BMPR2: variants seen among roughly 807,000 people sequenced by gnomAD.
BMPR2 encodes bone morphogenetic protein receptor type 2.
In BMPR2, 29 loss-of-function variants were observed where a neutral mutation model predicts 100.8. The observed-to-expected ratio is 0.29, with a 90% CI of 0.21 to 0.39. The LOEUF (loss-of-function observed/expected upper bound fraction) is 0.39, where lower values mean the gene tolerates loss of function less well. BMPR2 is among the 10% of genes least tolerant of loss of function. The pLI is 1.00. For missense variants in BMPR2, 1,011 were observed against 1,274.5 expected (o/e 0.79, Z 3.15); for synonymous variants, 382 against 442.3 (o/e 0.86, Z 1.71).
At position 202,559,948 on chromosome 2, in the gene BMPR2, A is replaced by G. The variant is rs1688651675; in HGVS notation, c.*2A>G. 11 of 1,614,046 alleles carry G rather than the reference A, an allele frequency of 6.8e-6. No individual in the cohort carries two copies. The East Asian group carries it at 2.5e-4, about 36-fold the overall frequency. On this transcript the variant is annotated 3_prime_UTR_variant, in exon 13 of 13. Coordinates refer to ENST00000374580, the MANE Select transcript of BMPR2 (RefSeq NM_001204.7). ...GATATAGGAATGAACTGTCTGTGAA[A>G]TGTTTTCAAGCCTATGGAGTGAAAT... is the stretch of plus-strand genomic sequence containing the variant.
chr2:202,499,067 C>A (rs1574479230), intron 3 of BMPR2, among the ~76,000 whole-genome samples: 1 of 152,160 alleles, frequency 6.6e-6, no homozygotes, highest in East Asian at 1.9e-4. Context: ...ACCACAAAAA[C>A]CCCCGGGCTA....
At chr2:202,488,417 T>C (rs1396657212) in intron 3 of BMPR2, among the ~76,000 whole-genome samples, 1 of 152,172 alleles carries the variant, frequency 6.6e-6, no homozygotes, top group Non-Finnish European at 1.5e-5. Context: ...ACCCTTAGAC[T>C]GTTTTTTAAA....
intron 3 of BMPR2, among the ~76,000 whole-genome samples, chr2:202,472,002 A>G (rs1050850450): frequency 1.3e-5 from 2 of 152,054 alleles, no homozygotes; most frequent in African/African-American, 4.8e-5. Context: ...AAATCTGGGT[A>G]AAAGTATATG....
At chr2:202,468,921 A>G (rs1210735460) in intron 3 of BMPR2, among the ~76,000 whole-genome samples, 1 of 152,166 alleles carries the variant, frequency 6.6e-6, no homozygotes, top group East Asian at 1.9e-4. Flanking sequence ...AAAATAATGA[A>G]CTTGGTTATT....
chr2:202,382,212 A>G (rs186218288), intron 1 of BMPR2, among the ~76,000 whole-genome samples: 1 of 152,090 alleles, frequency 6.6e-6, no homozygotes, highest in Admixed American at 6.5e-5. Flanking sequence ...GGTGTGCACC[A>G]TCATGCCTGG....
intron 1 of BMPR2, among the ~76,000 whole-genome samples, chr2:202,403,693 T>C (rs1370186636): frequency 6.6e-6 from 1 of 152,218 alleles, no homozygotes; most frequent in Non-Finnish European, 1.5e-5. Flanking sequence ...TTTTACTTTA[T>C]GTGGATGTAC....
At chr2:202,441,183 G>A (rs1691732122) in intron 1 of BMPR2, among the ~76,000 whole-genome samples, 1 of 149,786 alleles carries the variant, frequency 6.7e-6, no homozygotes, top group South Asian at 2.1e-4. Context: ...GTTTCACTGT[G>A]TTGCCCAGGG....
At chr2:202,453,283 T>A (rs1692025908) in intron 1 of BMPR2, among the ~76,000 whole-genome samples, 1 of 152,048 alleles carries the variant, frequency 6.6e-6, no homozygotes, top group Non-Finnish European at 1.5e-5. Flanking sequence ...TCTATTACTT[T>A]TAATAATAAT....
chr2:202,430,348 A>G (rs1691479316), intron 1 of BMPR2, among the ~76,000 whole-genome samples: 3 of 152,132 alleles, frequency 2.0e-5, no homozygotes, highest in Admixed American at 2.0e-4. Context: ...TTTATGATTC[A>G]CTGTTTACAT....
chr2:202,534,269 TTTA>T (rs1312013495), intron 9 of BMPR2, among the ~76,000 whole-genome samples: 1 of 150,280 alleles, frequency 6.7e-6, no homozygotes, highest in African/African-American at 2.4e-5. Context: ...TATTTATTTA[TTTA>T]TTTTTTATTG....
At chr2:202,447,782 A>G (rs1691882054) in intron 1 of BMPR2, among the ~76,000 whole-genome samples, 1 of 150,772 alleles carries the variant, frequency 6.6e-6, no homozygotes, top group African/African-American at 2.5e-5. Flanking sequence ...TAATATAAAA[A>G]TTTGAAAGGG....
intron 3 of BMPR2, among the ~76,000 whole-genome samples, chr2:202,497,450 G>A (rs1693063043): frequency 6.6e-6 from 1 of 152,206 alleles, no homozygotes; most frequent in East Asian, 1.9e-4. Context: ...AAAGACACGG[G>A]TGTCAGGCTT....
chr2:202,461,208 C>A (rs1692218035), intron 1 of BMPR2, among the ~76,000 whole-genome samples: 1 of 152,146 alleles, frequency 6.6e-6, no homozygotes, highest in African/African-American at 2.4e-5. Context: ...AGAGAACAGG[C>A]CAAGTGCAGT....
intron 3 of BMPR2, among the ~76,000 whole-genome samples, chr2:202,490,912 G>GTTTTTGTTTTTTGTTTTGT (rs957801397): frequency 6.6e-6 from 1 of 151,890 alleles, no homozygotes; most frequent in South Asian, 2.1e-4. Flanking sequence ...ATGTTTTTTT[G>GTTTTTGTTTTTTGTTTTGT]TTTTTGTTTT....
intron 7 of BMPR2, among the ~76,000 whole-genome samples, chr2:202,524,186 C>T (rs937844892): frequency 1.8e-4 from 27 of 151,830 alleles, no homozygotes; most frequent in African/African-American, 6.3e-4. Context: ...CACAGTGAAA[C>T]CCTGTCTCTA....
intron 3 of BMPR2, among the ~76,000 whole-genome samples, chr2:202,477,823 G>A (rs1408143376): frequency 6.6e-6 from 1 of 152,006 alleles, no homozygotes; most frequent in Non-Finnish European, 1.5e-5. Context: ...AAAGCTATAG[G>A]AAGTTGTTCC....
intron 1 of BMPR2, among the ~76,000 whole-genome samples, chr2:202,448,662 T>C (rs1691905825): frequency 6.6e-6 from 1 of 151,102 alleles, no homozygotes; most frequent in African/African-American, 2.4e-5. Flanking sequence ...TTCGACATGT[T>C]AGCCAGGATG....
At chr2:202,476,217 C>T (rs1692548514) in intron 3 of BMPR2, among the ~76,000 whole-genome samples, 1 of 150,922 alleles carries the variant, frequency 6.6e-6, no homozygotes, top group Non-Finnish European at 1.5e-5. Context: ...GTCTTTATTT[C>T]AACAACTGCA....
At chr2:202,491,433 T>C (rs1692900108) in intron 3 of BMPR2, among the ~76,000 whole-genome samples, 1 of 151,072 alleles carries the variant, frequency 6.6e-6, no homozygotes, top group South Asian at 2.1e-4. Flanking sequence ...TTATTTTTTA[T>C]TTTTTTTTGA....
Sources: allele counts gnomAD v4.1 joint callset (sites outside exome capture counted in the v4.1 genomes callset), GRCh38; gene constraint gnomAD v4.1.1; transcripts MANE v1.5; gene names NCBI Gene and HGNC (gene_info 2026-07-23, HGNC 2026-07-21).